GFM2: variants seen among roughly 807,000 people sequenced by gnomAD.
GFM2 encodes the protein ribosome-releasing factor 2, mitochondrial.
A neutral mutation model predicts 95.4 loss-of-function variants in GFM2; 72 were observed. The observed-to-expected ratio is 0.76, with a 90% confidence interval of 0.62 to 0.92. The LOEUF (loss-of-function observed/expected upper bound fraction) is 0.92, where lower values mean the gene tolerates loss of function less well. GFM2 is among the 40% of genes least tolerant of loss of function. The pLI is 0.00. For synonymous variants in GFM2, 276 were observed against 317.5 expected, an observed-to-expected ratio of 0.87 and a Z score of 1.39; for missense variants, 825 against 924.1, an observed-to-expected ratio of 0.89 and a Z score of 1.39.
chr5:74,752,355 C>A (rs1743761684), intron 5 of GFM2, among the ~76,000 whole-genome samples: 1 of 152,112 alleles, frequency 6.6e-6, no homozygotes, highest in Non-Finnish European at 1.5e-5. Flanking sequence ...CAGCATTAAA[C>A]CCCTAAAATG....
intron 15 of GFM2, among the ~76,000 whole-genome samples, chr5:74,735,787 A>G (rs1742804752): frequency 6.6e-6 from 1 of 152,182 alleles, no homozygotes; most frequent in Non-Finnish European, 1.5e-5. Context: ...GGGTTAAAGA[A>G]GAGGGTCAAA....
intron 15 of GFM2, among the ~76,000 whole-genome samples, chr5:74,734,252 ATAATTT>A (rs1742716831): frequency 1.3e-5 from 2 of 152,096 alleles, no homozygotes; most frequent in Admixed American, 1.3e-4. Flanking sequence ...AGTAATATTA[ATAATTT>A]TAATATTGTA....
intron 6 of GFM2, among the ~76,000 whole-genome samples, 188 bp from the exon 7 acceptor site, chr5:74,750,855 G>A (rs1218383939): frequency 6.6e-6 from 1 of 151,924 alleles, no homozygotes; most frequent in Non-Finnish European, 1.5e-5. Context: ...ACAAAAGGTG[G>A]AAAAAACCCA....
chr5:74,735,920 G>A (rs1287956347), intron 15 of GFM2, among the ~76,000 whole-genome samples: 63 of 152,230 alleles, frequency 4.1e-4, no homozygotes, highest in Non-Finnish European at 5.9e-5. Context: ...AGACTTCCTT[G>A]CAACAGGCTG....
At chr5:74,725,181 T>C (rs1439798190) in intron 19 of GFM2, 1 of 156,182 alleles carries the variant, frequency 6.4e-6, no homozygotes, top group African/African-American at 2.4e-5. Flanking sequence ...CCAATTTTAG[T>C]ATATGTGCTG....
intron 5 of GFM2, among the ~76,000 whole-genome samples, chr5:74,753,774 A>G (rs371330633): frequency 1.3e-5 from 2 of 152,220 alleles, no homozygotes; most frequent in African/African-American, 4.8e-5. Context: ...GAGAAATCTA[A>G]AAGTCTGGAA....
chr5:74,754,872 T>C (rs372272211), intron 5 of GFM2, among the ~76,000 whole-genome samples: 1 of 152,014 alleles, frequency 6.6e-6, no homozygotes, highest in African/African-American at 2.4e-5. Context: ...TCCCAGCACT[T>C]TGGAAGGCTG....
In GFM2 at chr5:74,751,487, TCAA is replaced by T. The variant is rs899126615; in HGVS notation, c.308_310del (p.Val103del). 3.1e-6 allele frequency: 5 copies of T among 1,608,660 alleles called. No homozygotes were observed. Among genetic ancestry groups the T allele is most frequent in the Admixed American group, 1.7e-5 (1 of 59,904 alleles). On this transcript the variant is annotated inframe_deletion, in exon 6 of 21. Transcript: ENST00000296805. ...GAAATCTGTCACTGTGTCTCCATCA[TCAA>T]CATCTAGCCAGGAAAAAGATGATAC...
rs754079919 is a variant in GFM2 at position 74,737,013 on chromosome 5, G to A, written c.1321-28C>T. ...GCAAGCAAACAAGATGACTTGGAAC[G>A]AAAGTGGCATTTAGCAAGCGCTCAT... On this transcript the variant is annotated intron_variant, in intron 14 of 20. Transcript: ENST00000296805. 5.5e-5 allele frequency: 89 copies of A among 1,610,112 alleles called. 1 individual carries two copies. The South Asian group carries it at 7.7e-4, about 14-fold the overall frequency.
intron 7 of GFM2, among the ~76,000 whole-genome samples, chr5:74,748,526 A>G (rs1286157121): frequency 2.0e-5 from 3 of 152,078 alleles, no homozygotes; most frequent in African/African-American, 7.2e-5. Flanking sequence ...ATTCATCCAC[A>G]TTGTTAGGTA....
chr5:74,764,598 T>C lies in GFM2; in HGVS notation c.-24-832A>G, dbSNP rs192738187. 6.6e-5 allele frequency among the ~76,000 whole-genome samples: 10 copies of C among 152,224 alleles called. No individual in the cohort carries two copies. In the East Asian group the frequency reaches 1.9e-3, roughly 29 times the overall value. ...AGTGTGGCCCAGGGAAACCAAAAGA[T>C]TAGACACCCCTGTGTTAAACCATTG... On this transcript the variant is annotated intron_variant, in intron 1 of 20. Coordinates refer to ENST00000296805, the MANE Select transcript of GFM2 (RefSeq NM_032380.5).
At position 74,721,314 on chromosome 5, in the gene GFM2, T is replaced by C. The variant is rs750005342; in HGVS notation, c.*341A>G. ...CCTTTGACCCTCTATCTTATTACATTTAGAGGCCTGGCATCTTTCTTGTGA... is the reference window on the plus strand; with the variant it reads ...CCTTTGACCCTCTATCTTATTACATCTAGAGGCCTGGCATCTTTCTTGTGA... On this transcript the variant is annotated 3_prime_UTR_variant, in exon 21 of 21. Transcript: ENST00000296805. 1 of 807,554 alleles carries C rather than the reference T, an allele frequency of 1.2e-6. No individual in the cohort carries two copies. The highest frequency in any genetic ancestry group is 2.1e-6 in the Non-Finnish European group (1 of 468,916). The allele number at this position is 807,554 out of a possible 1,614,324, so 50.0% of individuals were successfully genotyped here.
At chr5:74,727,779 T>C (rs1360153824) in intron 17 of GFM2, among the ~76,000 whole-genome samples, 1 of 152,218 alleles carries the variant, frequency 6.6e-6, no homozygotes, top group East Asian at 1.9e-4. Context: ...AACAAATAAT[T>C]GTATATATTT....
intron 20 of GFM2, 57 bp downstream of exon 20, chr5:74,722,322 C>CA: frequency 2.3e-6 from 3 of 1,302,078 alleles, no homozygotes; most frequent in Non-Finnish European, 3.3e-6. Flanking sequence ...TATTCATTGG[C>CA]ATATAATATC....
intron 8 of GFM2, 135 bp from the exon 9 acceptor site, chr5:74,746,300 G>A (rs992192968): frequency 6.5e-6 from 3 of 459,964 alleles, no homozygotes; most frequent in East Asian, 3.4e-5. Flanking sequence ...TCTCCTTAAC[G>A]CTCACTATTT....
intron 5 of GFM2, among the ~76,000 whole-genome samples, chr5:74,755,674 G>A: frequency 6.6e-6 from 1 of 152,052 alleles, no homozygotes; most frequent in East Asian, 1.9e-4. Flanking sequence ...GATTAAACCA[G>A]GAAGAAACAG....
rs748897250 is a variant in GFM2, at chr5:74,747,769, G to A, written c.531C>T (p.Leu177=). ...GTTTATCAGCTTGCCTCCATACTGT[G>A]AGAGTCTGGGCCTAAAGCAAAGATG... The part of the protein sequence containing the change: ...DASAGVEAQT[L]TVWRQADKHN... The change falls in exon 8 of 21, where the codon CTC becomes CTT. Residue 177 remains leucine, a synonymous_variant. Transcript: ENST00000296805. The A allele has an allele frequency of 5.2e-5, 83 of 1,603,816 alleles. No homozygotes were observed. The highest frequency in any genetic ancestry group is 6.7e-5 in the Admixed American group (4 of 59,754).
intron 9 of GFM2, 23 bp from the exon 10 acceptor site, chr5:74,745,880 CATT>C (rs758771835): frequency 1.3e-6 from 2 of 1,567,114 alleles, no homozygotes; most frequent in Non-Finnish European, 1.7e-6. Context: ...GTGAGATTAA[CATT>C]ATTACATGAT....
intron 10 of GFM2, chr5:74,741,860 A>G (rs1743123360): frequency 3.5e-6 from 1 of 282,702 alleles, no homozygotes; most frequent in Non-Finnish European, 6.5e-6. Context: ...AAAGCATCTT[A>G]ATTAAATGCT....
Sources: gnomAD v4.1 joint callset for allele counts (sites outside exome capture counted in the v4.1 genomes callset) on GRCh38, gnomAD v4.1.1 for gene constraint, MANE v1.5 for transcripts, NCBI Gene and HGNC (gene_info 2026-07-23, HGNC 2026-07-21) for gene names.